CYP11A1: variants seen among roughly 807,000 people sequenced by gnomAD.
CYP11A1 encodes the protein cytochrome P450 family 11 subfamily A member 1.
Under a neutral mutation model 51.9 loss-of-function variants are expected in CYP11A1, and 25 were observed. That is an observed-to-expected ratio of 0.48 (90% CI 0.35 to 0.67). CYP11A1 has a LOEUF of 0.67. Among genes scored for constraint, CYP11A1 ranks in the 30% least tolerant of loss-of-function variants. The pLI is 0.00. For synonymous variants in CYP11A1, 245 were observed against 262.1 expected (o/e 0.93, Z 0.63); for missense variants, 578 against 680.9 (o/e 0.85, Z 1.68).
chr15:74,345,305 G>A lies in CYP11A1; in HGVS notation c.426-62C>T. 27 of 1,583,186 alleles carry A rather than the reference G, an allele frequency of 1.7e-5. No individual in the cohort carries two copies. Among genetic ancestry groups the A allele is most frequent in the Non-Finnish European group, 2.3e-5 (27 of 1,153,866 alleles). ...AGACCCCAGGCCTGGTGAACACAGA[G>A]GGGGCTGACTCAGTTTTCCCAGGAA... On this transcript the variant is annotated intron_variant, in intron 2 of 8. Coordinates refer to ENST00000268053, the MANE Select transcript of CYP11A1 (RefSeq NM_000781.3). The surrounding 1 kb of genome is among the most constrained non-coding windows in gnomAD (Gnocchi z 4.3).
Position 74,337,908 on chromosome 15 carries a change from C to T in CYP11A1, c.*64G>A. 3 of 1,607,496 alleles carry T rather than the reference C, an allele frequency of 1.9e-6. No individual in the cohort carries two copies. The highest frequency in any genetic ancestry group is 2.7e-5 in the African/African-American group (2 of 74,838). ...GACTTGGGACAGACGACTGAAGATG[C>T]AGAGACCCCATGGGCCCCACCCCTG... On this transcript the variant is annotated 3_prime_UTR_variant, in exon 9 of 9. Coordinates refer to ENST00000268053, the MANE Select transcript of CYP11A1 (RefSeq NM_000781.3).
Position 74,345,120 on chromosome 15 carries a change from G to C in CYP11A1, c.549C>G (p.His183Gln). The C allele has an allele frequency of 6.2e-7, 1 of 1,614,146 alleles. No homozygotes were observed. Among genetic ancestry groups the C allele is most frequent in the Non-Finnish European group, 8.5e-7 (1 of 1,180,022 alleles). Residue 183 changes from histidine (H) to glutamine (Q), a missense_variant, in exon 3 of 9, where the codon CAC becomes CAG. Coordinates refer to ENST00000268053, the MANE Select transcript of CYP11A1 (RefSeq NM_000781.3). This position sits in a 1 kb window ranked among gnomAD's most constrained non-coding sequence, Gnocchi z 4.3. ...CGGAGCCCGCCTTCTTGATGCGCCT[G>C]TGCAGGACACTGACGAAGTCCCGAG... Reference protein sequence around the residue: ...AVSRDFVSVLHRRIKKAGSGN... With the variant: ...AVSRDFVSVLQRRIKKAGSGN...
intron 3 of CYP11A1, 45 bp from the exon 4 acceptor site, chr15:74,344,037 A>G: frequency 6.4e-7 from 1 of 1,561,734 alleles, no homozygotes; most frequent in Non-Finnish European, 8.8e-7. Flanking sequence ...TGACGGGGCC[A>G]TCTGAGAGCC....
At position 74,344,958 on chromosome 15, in the gene CYP11A1, G is replaced by A. The variant is rs1268586495; in HGVS notation, c.625+86C>T. The A allele has an allele frequency of 4.1e-6, 5 of 1,232,510 alleles. No individual in the cohort carries two copies. The East Asian group carries it at 1.2e-4, about 29-fold the overall frequency. The allele number at this position is 1,232,510 out of a possible 1,614,324, so 76.3% of individuals were successfully genotyped here. ...AAGTCAGTCTCAATGCCTCTGCAGG[G>A]TCTGTACTGAACCTCAAGGTAAGAG... is the stretch of plus-strand genomic sequence containing the variant. On this transcript the variant is annotated intron_variant, in intron 3 of 8. Coordinates refer to ENST00000268053, the MANE Select transcript of CYP11A1 (RefSeq NM_000781.3).
chr15:74,346,307 C>A (rs953337552), intron 2 of CYP11A1, among the ~76,000 whole-genome samples: 1 of 141,710 alleles, frequency 7.1e-6, no homozygotes, highest in Non-Finnish European at 1.5e-5. Flanking sequence ...GAGCCAAGAT[C>A]GTGCCATTGC....
rs370465035 is a variant in CYP11A1 at position 74,367,513 on chromosome 15, C to A, written c.73G>T (p.Glu25Ter). The change falls in exon 1 of 9, where the codon GAG becomes TAG. Residue 25 changes from glutamate (E) to a stop codon, truncating the protein, a stop_gained. Transcript: ENST00000268053. LOFTEE classifies it high-confidence loss of function. ...GGCACCCTGAGACGCCCCAGCCCCT[C>A]CCTGGGGGCACTCAGAAAGGTCTGG... ...GCQTFLSAPR[E>*]GLGRLRVPTG... The A allele has an allele frequency of 1.2e-6, 2 of 1,614,018 alleles. No individual in the cohort carries two copies. Among genetic ancestry groups the A allele is most frequent in the Non-Finnish European group, 1.7e-6 (2 of 1,179,980 alleles).
chr15:74,354,557 G>C (rs1218536486), intron 1 of CYP11A1: 3 of 154,110 alleles, frequency 1.9e-5, no homozygotes, highest in Non-Finnish European at 4.3e-5. Flanking sequence ...CCATGACTCG[G>C]ATCAGGGGAC....
chr15:74,346,428 T>C (rs1439183570), intron 2 of CYP11A1, among the ~76,000 whole-genome samples: 3 of 151,900 alleles, frequency 2.0e-5, no homozygotes, highest in African/African-American at 7.3e-5. Context: ...TTTCACTTAG[T>C]TGCACCGTTC....
Position 74,343,790 on chromosome 15 carries a change from T to C in CYP11A1, c.828A>G (p.Lys276=), listed in dbSNP as rs1488945123. The part of the protein sequence containing the change: ...HVAAWDVIFS[K]ADIYTQNFYW... ...GAGCACAGCCAGAGAAGCCCTCACCTTTACTGAAAATCACGTCCCATGCAG... is the reference window on the plus strand; with the variant it reads ...GAGCACAGCCAGAGAAGCCCTCACCCTTACTGAAAATCACGTCCCATGCAG... The change falls in exon 4 of 9, where the codon AAA becomes AAG. Residue 276 remains lysine (K), a splice_region_variant and synonymous_variant. Coordinates refer to ENST00000268053, the MANE Select transcript of CYP11A1 (RefSeq NM_000781.3). 4 of 1,612,100 alleles carry C rather than the reference T, an allele frequency of 2.5e-6. No homozygotes were observed. Among genetic ancestry groups the C allele is most frequent in the Non-Finnish European group, 3.4e-6 (4 of 1,179,812 alleles).
At chr15:74,360,349 C>T (rs541959250) in intron 1 of CYP11A1, among the ~76,000 whole-genome samples, 4 of 151,962 alleles carry the variant, frequency 2.6e-5, no homozygotes. Flanking sequence ...GGCGCAATCT[C>T]GGCTCACCCA....
chr15:74,339,233 C>T lies in CYP11A1; in HGVS notation c.1236+4G>A. The T allele has an allele frequency of 6.2e-7, 1 of 1,612,890 alleles. No individual in the cohort carries two copies. The highest frequency in any genetic ancestry group is 8.5e-7 in the Non-Finnish European group (1 of 1,178,848). ...AGAGCCTGCAGCCTGCTGGCTGCAC[C>T]TACCTTGGCAGGAATCATGTAATCT... On this transcript the variant is annotated splice_donor_region_variant and intron_variant, in intron 7 of 8. Coordinates refer to ENST00000268053, the MANE Select transcript of CYP11A1 (RefSeq NM_000781.3).
intron 1 of CYP11A1, chr15:74,365,630 A>G (rs1043618147): frequency 2.1e-6 from 2 of 962,902 alleles, no homozygotes; most frequent in African/African-American, 3.5e-5. Flanking sequence ...GGGAACTAGG[A>G]ATACTTTCCC....
intron 1 of CYP11A1, among the ~76,000 whole-genome samples, chr15:74,358,945 A>G (rs556912081): frequency 1.3e-5 from 2 of 152,356 alleles, no homozygotes; most frequent in South Asian, 4.1e-4. Flanking sequence ...CAACTTAAAA[A>G]AAGGACTCTG....
At chr15:74,358,976 C>T (rs1189776220) in intron 1 of CYP11A1, among the ~76,000 whole-genome samples, 1 of 152,220 alleles carries the variant, frequency 6.6e-6, no homozygotes, top group Non-Finnish European at 1.5e-5. Flanking sequence ...AGCCCAAAAA[C>T]TCACCAACCA....
chr15:74,354,861 T>C (rs7180256), intron 1 of CYP11A1, among the ~76,000 whole-genome samples: 104,798 of 151,916 alleles, frequency 0.69, 36,219 homozygotes, highest in Non-Finnish European at 0.71. Flanking sequence ...ACTCCAGCGC[T>C]GGTCACAGAC....
intron 1 of CYP11A1, chr15:74,366,105 G>A (rs1310672800): frequency 1.0e-6 from 1 of 985,430 alleles, no homozygotes; most frequent in East Asian, 1.1e-4. Flanking sequence ...AGCGACCCGC[G>A]AAGAGCGCAG....
chr15:74,342,163 A>ATCTC (rs1448269037), intron 5 of CYP11A1, among the ~76,000 whole-genome samples: 2 of 152,012 alleles, frequency 1.3e-5, no homozygotes, highest in East Asian at 3.9e-4. Context: ...GCTCACCACA[A>ATCTC]TCTCTGCCTC....
intron 1 of CYP11A1, among the ~76,000 whole-genome samples, chr15:74,351,100 T>C (rs962957378): frequency 2.0e-5 from 3 of 152,100 alleles, no homozygotes; most frequent in Admixed American, 6.6e-5. Flanking sequence ...AACTAAGGGG[T>C]TTCCACGTGG....
At chr15:74,343,638 G>C in intron 4 of CYP11A1, 151 bp downstream of exon 4, 1 of 732,772 alleles carries the variant, frequency 1.4e-6, no homozygotes, top group East Asian at 2.5e-5. Flanking sequence ...CCATTTCCAG[G>C]GGTCCCAGGG....
Sources: allele counts gnomAD v4.1 joint callset (sites outside exome capture counted in the v4.1 genomes callset), GRCh38; gene constraint gnomAD v4.1.1; non-coding constraint Gnocchi (gnomAD v3.1); transcripts MANE v1.5; gene names NCBI Gene and HGNC (gene_info 2026-07-23, HGNC 2026-07-21).